The following TMPRSS11A variants were observed in gnomAD, a reference collection of about 807,000 sequenced individuals.
The protein encoded by TMPRSS11A is transmembrane protease serine 11A.
Under a neutral mutation model 58.9 loss-of-function variants are expected in TMPRSS11A, and 53 were observed. The observed-to-expected ratio is 0.90, with a 90% CI of 0.72 to 1.13. TMPRSS11A has a LOEUF of 1.13. Ranked by LOEUF, TMPRSS11A falls within the 50% of genes most tolerant of loss-of-function variation. TMPRSS11A has a pLI of 0.00. For synonymous variants in TMPRSS11A, 167 were observed against 169.8 expected (o/e 0.98, Z 0.13); for missense variants, 493 against 499.3 (o/e 0.99, Z 0.12).
intron 1 of TMPRSS11A, 28 bp from the exon 2 acceptor site, chr4:67,946,599 C>T (rs767415379): frequency 1.3e-6 from 2 of 1,594,242 alleles, no homozygotes; most frequent in Admixed American, 3.5e-5. Flanking sequence ...CCACTGGTTA[C>T]TCTCAGATAG....
rs1719963900 is a variant in TMPRSS11A at position 67,911,068 on chromosome 4, T to C, written c.*274A>G. On this transcript the variant is annotated 3_prime_UTR_variant, in exon 10 of 10. Coordinates refer to ENST00000508048, the MANE Select transcript of TMPRSS11A (RefSeq NM_001114387.2). ...ACTATCTTCAAAAATATGTATTGAGTCTCACTGGTACTTCAACATTCGTGA... is the reference window on the plus strand; with the variant it reads ...ACTATCTTCAAAAATATGTATTGAGCCTCACTGGTACTTCAACATTCGTGA... 2 of 276,750 alleles carry C rather than the reference T, an allele frequency of 7.2e-6. No homozygotes were observed. Among genetic ancestry groups the C allele is most frequent in the South Asian group, 2.3e-4 (2 of 8,696 alleles). The allele number at this position is 276,750 out of a possible 1,614,324, so 17.1% of individuals were successfully genotyped here.
intron 1 of TMPRSS11A, among the ~76,000 whole-genome samples, chr4:67,948,890 A>G (rs774948218): frequency 4.6e-5 from 7 of 152,090 alleles, no homozygotes; most frequent in Non-Finnish European, 8.8e-5. Context: ...ACTACTAGTT[A>G]TCTCAAACTC....
At chr4:67,919,333 G>A in intron 7 of TMPRSS11A, 101 bp from the exon 8 acceptor site, 1 of 1,069,628 alleles carries the variant, frequency 9.3e-7, no homozygotes, top group Non-Finnish European at 1.4e-6. Context: ...ACAATCCTGA[G>A]AATACTTGGC....
At chr4:67,934,788 ACT>A (rs1397076880) in intron 3 of TMPRSS11A, among the ~76,000 whole-genome samples, 1 of 152,048 alleles carries the variant, frequency 6.6e-6, no homozygotes, top group East Asian at 1.9e-4. Context: ...TCCTGAATTA[ACT>A]CTGTTTATAC....
chr4:67,938,774 G>GT (rs962488769), intron 3 of TMPRSS11A, among the ~76,000 whole-genome samples: 1 of 151,880 alleles, frequency 6.6e-6, no homozygotes, highest in Admixed American at 6.6e-5. Flanking sequence ...TTATATGTCT[G>GT]TTTTTGTACC....
At chr4:67,937,905 T>C (rs995576226) in intron 3 of TMPRSS11A, among the ~76,000 whole-genome samples, 1 of 152,132 alleles carries the variant, frequency 6.6e-6, no homozygotes, top group African/African-American at 2.4e-5. Context: ...AAGTTTATAC[T>C]CCTTTGGGTA....
intron 3 of TMPRSS11A, among the ~76,000 whole-genome samples, chr4:67,940,648 T>A (rs1040302175): frequency 6.6e-6 from 1 of 152,182 alleles, no homozygotes; most frequent in Non-Finnish European, 1.5e-5. Context: ...TCTTTGTTAA[T>A]CTAGCTAGCA....
intron 1 of TMPRSS11A, among the ~76,000 whole-genome samples, chr4:67,954,224 T>A (rs1379708674): frequency 6.6e-6 from 1 of 152,122 alleles, no homozygotes; most frequent in Non-Finnish European, 1.5e-5. Context: ...AGGGAAAAAT[T>A]AAAGCATAAC....
chr4:67,957,348 G>A (rs1224923982), intron 1 of TMPRSS11A, among the ~76,000 whole-genome samples: 1 of 152,152 alleles, frequency 6.6e-6, no homozygotes, highest in Non-Finnish European at 1.5e-5. Flanking sequence ...TTGTTAAATG[G>A]CTTTGACCAA....
At chr4:67,947,459 T>C (rs1339537428) in intron 1 of TMPRSS11A, among the ~76,000 whole-genome samples, 1 of 152,250 alleles carries the variant, frequency 6.6e-6, no homozygotes, top group African/African-American at 2.4e-5. Flanking sequence ...AATATCTTAC[T>C]TTCTGGACTT....
chr4:67,948,235 TGC>T (rs1422694877), intron 1 of TMPRSS11A, among the ~76,000 whole-genome samples: 2 of 147,302 alleles, frequency 1.4e-5, no homozygotes, highest in Non-Finnish European at 3.0e-5. Context: ...CTCTGCTCAC[TGC>T]AAGCTCTGCC....
chr4:67,924,316 A>ACAT (rs1461404466), intron 5 of TMPRSS11A, 150 bp from the exon 6 acceptor site: 2 of 703,760 alleles, frequency 2.8e-6, no homozygotes, highest in African/African-American at 3.5e-5. Context: ...TGATATAACA[A>ACAT]CATCTGTGTA....
intron 1 of TMPRSS11A, among the ~76,000 whole-genome samples, chr4:67,961,509 T>G (rs867275115): frequency 2.8e-5 from 1 of 36,360 alleles, no homozygotes; most frequent in Admixed American, 4.5e-4. Context: ...TTTTTTTTTT[T>G]TTTTTTTTTT....
In TMPRSS11A at chr4:67,932,726, A is replaced by G. The variant is rs549216049; in HGVS notation, c.253-666T>C. Among the ~76,000 whole-genome samples the G allele has an allele frequency of 2.6e-4, 39 of 152,148 alleles. No homozygotes were observed. In the South Asian group the frequency reaches 3.7e-3, roughly 15 times the overall value. ...AAGGTGTAAGGAGGAGGCATTAGGG[A>G]TTTAAGAGAGAGCCAAAATTTTTAA... On this transcript the variant is annotated intron_variant, in intron 3 of 9. Coordinates refer to ENST00000508048, the MANE Select transcript of TMPRSS11A (RefSeq NM_001114387.2).
chr4:67,946,892 T>C (rs1388110348), intron 1 of TMPRSS11A, among the ~76,000 whole-genome samples: 1 of 152,196 alleles, frequency 6.6e-6, no homozygotes, highest in Non-Finnish European at 1.5e-5. Flanking sequence ...TCCAGCACTT[T>C]GTTATCTCTT....
At chr4:67,924,093 A>C (rs987087393) in intron 6 of TMPRSS11A, 35 bp downstream of exon 6, 3 of 1,585,478 alleles carry the variant, frequency 1.9e-6, no homozygotes, top group Non-Finnish European at 2.6e-6. Flanking sequence ...CTGATGTGAA[A>C]ATTGAACTTG....
At chr4:67,959,687 G>C (rs1309895481) in intron 1 of TMPRSS11A, among the ~76,000 whole-genome samples, 1 of 152,180 alleles carries the variant, frequency 6.6e-6, no homozygotes, top group African/African-American at 2.4e-5. Flanking sequence ...TGCTGGCAAG[G>C]CTGCAGAGAA....
At chr4:67,930,081 C>G in intron 4 of TMPRSS11A, 41 bp from the exon 5 acceptor site, 1 of 1,572,780 alleles carries the variant, frequency 6.4e-7, no homozygotes, top group Non-Finnish European at 8.7e-7. Flanking sequence ...AAAGAATACA[C>G]CTGGAATTGT....
rs34345018 is a variant in TMPRSS11A at position 67,944,098 on chromosome 4, G to A, written c.252+421C>T. ...TTATCAATATACTTACAAGATGAAC[G>A]TAAATTCTGAAAATACTCAAAATCT... On this transcript the variant is annotated intron_variant, in intron 3 of 9. Transcript: ENST00000508048. 8.2e-3 allele frequency among the ~76,000 whole-genome samples: 1,246 copies of A among 152,156 alleles called. 6 individuals carry two copies. The highest frequency in any genetic ancestry group is 0.014 in the Non-Finnish European group (968 of 67,972).
Sources: gnomAD v4.1 joint callset for allele counts (sites outside exome capture counted in the v4.1 genomes callset) on GRCh38, gnomAD v4.1.1 for gene constraint, MANE v1.5 for transcripts, NCBI Gene and HGNC (gene_info 2026-07-23, HGNC 2026-07-21) for gene names.